ZC3H13: variants seen among roughly 807,000 people sequenced by gnomAD.
ZC3H13 encodes the protein zinc finger CCCH-type containing 13, also known as zinc finger CCCH domain-containing protein 13.
Under a neutral mutation model 204.1 loss-of-function variants are expected in ZC3H13, and 64 were observed. The ratio of observed to expected loss-of-function variants is 0.31; its 90% CI spans 0.26 to 0.39. The LOEUF (loss-of-function observed/expected upper bound fraction) is 0.39, where lower values mean the gene tolerates loss of function less well. ZC3H13 is among the 10% of genes least tolerant of loss of function. The probability of loss-of-function intolerance (pLI) is 1.00; values close to 1 mark genes in which losing one functional copy is unlikely to be tolerated. For missense variants in ZC3H13, 1,833 were observed against 2,082.7 expected, an observed-to-expected ratio of 0.88 and a Z score of 2.33; for synonymous variants, 667 against 693.7, an observed-to-expected ratio of 0.96 and a Z score of 0.60.
At chr13:45,988,617 A>G (rs1440880414) in intron 9 of ZC3H13, among the ~76,000 whole-genome samples, 170 bp downstream of exon 9, 2 of 152,198 alleles carry the variant, frequency 1.3e-5, no homozygotes, top group South Asian at 4.1e-4. Flanking sequence ...ACTTGTATAC[A>G]CCTAACAGCT....
At chr13:45,992,599 A>C (rs1314789322) in intron 8 of ZC3H13, among the ~76,000 whole-genome samples, 1 of 152,178 alleles carries the variant, frequency 6.6e-6, no homozygotes, top group Non-Finnish European at 1.5e-5. Context: ...GATTTTTCAC[A>C]AAAAAATTTG....
intron 7 of ZC3H13, 180 bp downstream of exon 7, chr13:46,010,164 ATGTT>A (rs1252771987): frequency 2.1e-6 from 1 of 486,726 alleles, no homozygotes; most frequent in Non-Finnish European, 3.3e-6. Context: ...TGTTACACAG[ATGTT>A]TGTTTTATTG....
rs1320572633 is a variant in ZC3H13 at position 45,989,064 on chromosome 13, A to C, written c.978T>G (p.Pro326=). The C allele has an allele frequency of 4.3e-6, 7 of 1,614,058 alleles. No homozygotes were observed. In the South Asian group the frequency reaches 7.7e-5, roughly 18 times the overall value. Residue 326 remains proline (P), a synonymous_variant, in exon 9 of 19, where the codon CCT becomes CCG. Coordinates refer to ENST00000679008, the MANE Select transcript of ZC3H13 (RefSeq NM_001330564.2). Reference sequence around the variant, plus strand: ...AAGATGAGTGATGTCTAGAAGATATAGGAGAATGATGCTGTCCTGCTGGGG... The same window carrying C: ...AAGATGAGTGATGTCTAGAAGATATCGGAGAATGATGCTGTCCTGCTGGGG... The part of the protein sequence containing the change: ...STSPAGQHHS[P]ISSRHHSSSS...
In ZC3H13 at chr13:46,020,553, T is replaced by C. The variant is rs2042160083; in HGVS notation, c.344A>G (p.Glu115Gly). The C allele has an allele frequency of 6.2e-7, 1 of 1,600,388 alleles. No individual in the cohort carries two copies. The highest frequency in any genetic ancestry group is 1.7e-5 in the Admixed American group (1 of 57,380). The change falls in exon 5 of 19, where the codon GAA becomes GGA. Residue 115 changes from glutamate to glycine, a missense_variant. Glu to Gly is a moderately conservative substitution (Grantham distance 98, BLOSUM62 -2). Coordinates refer to ENST00000679008, the MANE Select transcript of ZC3H13 (RefSeq NM_001330564.2). ...TEESSSPVRK[E>G]SSRGRHREKE... ...TTCCCTATGTCTCCCTCTTGAAGAT[T>C]CTTTCTAAAAAAGTACATACATACA...
In ZC3H13 at chr13:46,052,414, A is replaced by T. The variant is rs988165544; in HGVS notation, c.-20T>A. ...TCACAGAACGCTTACTTCCTCCCCA[A>T]GCTCCCTTCGCAAGTGCAGTCCGGA... On this transcript the variant is annotated 5_prime_UTR_variant, in exon 1 of 19. In the 5' UTR this introduces an upstream ATG that the reference lacks. Transcript: ENST00000679008. 6 of 397,124 alleles carry T rather than the reference A, an allele frequency of 1.5e-5. No homozygotes were observed. The highest frequency in any genetic ancestry group is 2.7e-5 in the Non-Finnish European group (6 of 225,764). The allele number at this position is 397,124 out of a possible 1,614,324, so 24.6% of individuals were successfully genotyped here. A position where few individuals can be genotyped will look rare whatever the true frequency, so the allele number is the denominator to read the frequency against.
At chr13:46,027,756 G>GTAAA (rs2042628781) in intron 4 of ZC3H13, among the ~76,000 whole-genome samples, 1 of 152,128 alleles carries the variant, frequency 6.6e-6, no homozygotes, top group South Asian at 2.1e-4. Context: ...TGAATTAGCT[G>GTAAA]TAAATGTACA....
At chr13:46,027,967 T>C (rs2042642347) in intron 4 of ZC3H13, among the ~76,000 whole-genome samples, 1 of 152,142 alleles carries the variant, frequency 6.6e-6, no homozygotes, top group Admixed American at 6.5e-5. Flanking sequence ...TTGTAGATAT[T>C]AATTCAACTA....
chr13:46,033,225 A>G (rs1480072291), intron 4 of ZC3H13, among the ~76,000 whole-genome samples: 1 of 152,134 alleles, frequency 6.6e-6, no homozygotes, highest in Non-Finnish European at 1.5e-5. Flanking sequence ...ATTTCAGTTA[A>G]CCCAACTAAG....
chr13:46,020,545 T>C lies in ZC3H13; in HGVS notation c.352A>G (p.Arg118Gly). ...TCTTCCTTTTCCCTATGTCTCCCTC[T>C]TGAAGATTCTTTCTAAAAAAGTACA... ...SSSPVRKESS[R>G]GRHREKEDIK... Residue 118 changes from arginine to glycine, a missense_variant, in exon 5 of 19, where the codon AGA becomes GGA. Arg to Gly is a moderately radical substitution (Grantham distance 125). Around this residue, in one of 5 missense-constraint regions of ZC3H13, gnomAD observed 1,574 missense variants for 1,757.2 expected, o/e 0.90. Transcript: ENST00000679008. 1 of 1,604,256 alleles carries C rather than the reference T, an allele frequency of 6.2e-7. No homozygotes were observed. Among genetic ancestry groups the C allele is most frequent in the Non-Finnish European group, 8.5e-7 (1 of 1,176,422 alleles).
chr13:46,046,432 G>A (rs1219014460), intron 1 of ZC3H13, among the ~76,000 whole-genome samples: 3 of 151,144 alleles, frequency 2.0e-5, no homozygotes, highest in Non-Finnish European at 2.9e-5. Flanking sequence ...GCCGAGGCGG[G>A]CGGATCATGA....
intron 9 of ZC3H13, among the ~76,000 whole-genome samples, chr13:45,988,362 A>C (rs971120769): frequency 2.0e-5 from 3 of 152,166 alleles, no homozygotes; most frequent in South Asian, 2.1e-4. Context: ...GGTTCAAGCA[A>C]TTCTCCTGCC....
rs1289336036 is a variant in ZC3H13 at position 46,046,502 on chromosome 13, C to CAAAA, written c.-9-990_-9-987dup. Among the ~76,000 whole-genome samples, 182 of 125,652 alleles carry CAAAA rather than the reference C, an allele frequency of 1.4e-3. 1 individual carries two copies. The highest frequency in any genetic ancestry group is 4.4e-3 in the South Asian group (17 of 3,864). 82.4% of individuals were successfully genotyped at this position (125,652 alleles called of 152,430 possible). The stretch of plus-strand genomic sequence containing the variant: ...CAAAACTCCGTCTCTACTAAAAATA[C>CAAAA]AAAAAAAAAAAAAAAATTAGCTGGG... On this transcript the variant is annotated intron_variant, in intron 1 of 18. Transcript: ENST00000679008.
At chr13:45,967,407 G>T in intron 15 of ZC3H13, 97 bp downstream of exon 15, 1 of 1,353,232 alleles carries the variant, frequency 7.4e-7, no homozygotes, top group Non-Finnish European at 9.9e-7. Flanking sequence ...GAGTCAATTT[G>T]CCCATTAGTG....
intron 1 of ZC3H13, among the ~76,000 whole-genome samples, chr13:46,048,641 G>A (rs572610887): frequency 1.3e-3 from 169 of 125,918 alleles, no homozygotes; most frequent in African/African-American, 4.8e-3. Context: ...TGCTATGAAA[G>A]ACAATCAAGT....
chr13:46,026,586 C>A (rs1226008796), intron 4 of ZC3H13, among the ~76,000 whole-genome samples: 2 of 151,256 alleles, frequency 1.3e-5, no homozygotes, highest in Non-Finnish European at 3.0e-5. Flanking sequence ...TCATCAAATT[C>A]AAAAATATGA....
rs533647929 is a variant in ZC3H13, at chr13:46,006,589, T to C, written c.747-3253A>G. On this transcript the variant is annotated intron_variant, in intron 7 of 18. Coordinates refer to ENST00000679008, the MANE Select transcript of ZC3H13 (RefSeq NM_001330564.2). ...AACCCTTTTCATACATCTGGTGAGT[T>C]TTCACTATCTACTAATCTCACTATC... Among the ~76,000 whole-genome samples the C allele has an allele frequency of 1.3e-4, 20 of 150,392 alleles. 1 individual carries two copies. The highest frequency in any genetic ancestry group is 4.9e-4 in the African/African-American group (20 of 40,868).
At chr13:45,996,313 C>T (rs180879962) in intron 8 of ZC3H13, among the ~76,000 whole-genome samples, 5 of 152,232 alleles carry the variant, frequency 3.3e-5, no homozygotes, top group African/African-American at 9.6e-5. Flanking sequence ...GTATTCCCTT[C>T]AAAAATTATC....
chr13:45,967,945 C>T lies in ZC3H13; in HGVS notation c.3880G>A (p.Asp1294Asn). The T allele has an allele frequency of 6.2e-7, 1 of 1,613,958 alleles. No individual in the cohort carries two copies. The highest frequency in any genetic ancestry group is 8.5e-7 in the Non-Finnish European group (1 of 1,179,928). ...CGTTCTTGAAGCCTGTCTCTGCTAT[C>T]AAATGACCCAGATCTTGAATGGACC... is the stretch of plus-strand genomic sequence containing the variant. ...RQVHSRSGSF[D>N]SRDRLQERDR... The change falls in exon 15 of 19, where the codon GAT (aspartate) becomes AAT (asparagine). Residue 1294 changes from aspartate to asparagine, a missense_variant. Physicochemically the swap from Asp to Asn is conservative, Grantham distance 23. Around this residue, in one of 5 missense-constraint regions of ZC3H13, gnomAD observed 1,574 missense variants for 1,757.2 expected, o/e 0.90. Coordinates refer to ENST00000679008, the MANE Select transcript of ZC3H13 (RefSeq NM_001330564.2).
chr13:45,978,655 A>G (rs1463156736), intron 11 of ZC3H13, among the ~76,000 whole-genome samples: 1 of 152,114 alleles, frequency 6.6e-6, no homozygotes, highest in Non-Finnish European at 1.5e-5. Context: ...TGAACTAACC[A>G]TAAGATTGAA....
Sources: gnomAD v4.1 joint callset for allele counts (sites outside exome capture counted in the v4.1 genomes callset) on GRCh38, gnomAD v4.1.1 for gene constraint, gnomAD v4.1.1 regional missense constraint, MANE v1.5 for transcripts, NCBI Gene and HGNC (gene_info 2026-07-23, HGNC 2026-07-21) for gene names.